The following FAT3 variants were observed in gnomAD, a reference collection of about 807,000 sequenced individuals.
FAT3 encodes FAT atypical cadherin 3.
FAT3 carries 95 observed loss-of-function variants against 310.2 expected under a neutral mutation model. The ratio of observed to expected loss-of-function variants is 0.31; its 90% CI spans 0.26 to 0.36. FAT3 has a LOEUF of 0.36. Among genes scored for constraint, FAT3 ranks in the 10% least tolerant of loss-of-function variants. The pLI is 1.00. For synonymous variants in FAT3, 2,314 were observed against 2,192.9 expected (o/e 1.06, Z -1.54); for missense variants, 5,408 against 5,715.6 (o/e 0.95, Z 1.74).
intron 2 of FAT3, among the ~76,000 whole-genome samples, chr11:92,493,345 G>T (rs1471892128): frequency 6.6e-6 from 1 of 152,078 alleles, no homozygotes; most frequent in Non-Finnish European, 1.5e-5. Flanking sequence ...ACTCTGAGCT[G>T]CAGACACTGG....
intron 3 of FAT3, among the ~76,000 whole-genome samples, chr11:92,569,503 C>T (rs973481875): frequency 6.6e-6 from 1 of 152,048 alleles, no homozygotes; most frequent in Non-Finnish European, 1.5e-5. Context: ...AGAAAAGTAA[C>T]GAAAGTTGAG....
rs535368141 is a variant in FAT3 at position 92,389,620 on chromosome 11, A to G, written c.3292+34216A>G. On this transcript the variant is annotated intron_variant, in intron 2 of 27. Coordinates refer to ENST00000525166, the MANE Select transcript of FAT3 (RefSeq NM_001367949.2). Reference sequence around the variant, plus strand: ...TGCCTGGTACTTAACAATAACTACCATTTATTGTGTTGTATGGATGTGGCT... The same window carrying G: ...TGCCTGGTACTTAACAATAACTACCGTTTATTGTGTTGTATGGATGTGGCT... Among the ~76,000 whole-genome samples, 15 of 152,306 alleles carry G rather than the reference A, an allele frequency of 9.8e-5. No individual in the cohort carries two copies. In the South Asian group the frequency reaches 3.1e-3, roughly 32 times the overall value.
rs1006632593 is a variant in FAT3, at chr11:92,853,427, C to T, written c.11366-3787C>T. ...TGTCACAGCCCTGACTTGGGGATCC[C>T]CTAGGTCTGGGCTTTTCTCTCCTTC... On this transcript the variant is annotated intron_variant, in intron 19 of 27. Coordinates refer to ENST00000525166, the MANE Select transcript of FAT3 (RefSeq NM_001367949.2). Among the ~76,000 whole-genome samples, 12 of 152,306 alleles carry T rather than the reference C, an allele frequency of 7.9e-5. No individual in the cohort carries two copies. In the East Asian group the frequency reaches 1.4e-3, roughly 17 times the overall value.
At chr11:92,889,819 G>A (rs754693107) in intron 26 of FAT3, 37 bp from the exon 27 acceptor site, 9 of 717,562 alleles carry the variant, frequency 1.3e-5, no homozygotes, top group Non-Finnish European at 2.3e-5. Flanking sequence ...ACATGGTTTG[G>A]ACTGTCAGTT....
intron 4 of FAT3, among the ~76,000 whole-genome samples, chr11:92,742,652 C>T (rs149582962): frequency 2.6e-5 from 4 of 152,356 alleles, no homozygotes; most frequent in Non-Finnish European, 4.4e-5. Flanking sequence ...CCTTCTTCCT[C>T]TCTTGCTTTT....
At chr11:92,598,633 T>C (rs1939845881) in intron 3 of FAT3, among the ~76,000 whole-genome samples, 1 of 152,168 alleles carries the variant, frequency 6.6e-6, no homozygotes, top group Non-Finnish European at 1.5e-5. Context: ...ATGTAACTTG[T>C]AAGATATTCA....
In FAT3 at chr11:92,353,762, T is replaced by C. The variant is rs1169881258; in HGVS notation, c.1650T>C (p.Ser550=). 6.2e-7 allele frequency: 1 copy of C among 1,613,768 alleles called. No homozygotes were observed. The highest frequency in any genetic ancestry group is 1.1e-5 in the South Asian group (1 of 91,066). ...PEIYRFIVRA[S]DWGSPYRHES... is the part of the protein sequence containing the mutation. ...TTTACAGATTCATTGTTAGAGCCTC[T>C]GACTGGGGTTCACCATACCGCCATG... is the stretch of plus-strand genomic sequence containing the variant. The change falls in exon 2 of 28, where the codon TCT becomes TCC. Residue 550 remains serine (S), a synonymous_variant. Transcript: ENST00000525166.
intron 2 of FAT3, among the ~76,000 whole-genome samples, chr11:92,433,198 A>T (rs1950837144): frequency 6.6e-6 from 1 of 152,044 alleles, no homozygotes; most frequent in African/African-American, 2.4e-5. Flanking sequence ...ACTGAACAAG[A>T]CCACTTGGCT....
At position 92,355,379 on chromosome 11, in the gene FAT3, A is replaced by C. The variant is rs1190318663; in HGVS notation, c.3267A>C (p.Gly1089=). The C allele has an allele frequency of 2.5e-6, 4 of 1,613,422 alleles. No homozygotes were observed. Among genetic ancestry groups the C allele is most frequent in the Non-Finnish European group, 3.4e-6 (4 of 1,179,670 alleles). ...CCATCAGGGATGGCAGTGGTCTTGG[A>C]AGGTTCAGTATAGACGACGAGAGTG... ...QYSIRDGSGL[G]RFSIDDESGV... Residue 1089 remains glycine (G), a synonymous_variant, in exon 2 of 28, where the codon GGA becomes GGC. Coordinates refer to ENST00000525166, the MANE Select transcript of FAT3 (RefSeq NM_001367949.2).
rs924776162 is a variant in FAT3, at chr11:92,434,701, A to G, written c.3292+79297A>G. Among the ~76,000 whole-genome samples the G allele has an allele frequency of 2.0e-5, 3 of 152,184 alleles. No homozygotes were observed. The South Asian group carries it at 6.2e-4, about 32-fold the overall frequency. ...CTAGGCCCATTTCCTCCTCTGTGGC[A>G]TGGATATGTAATGCCTGCTTCACAG... On this transcript the variant is annotated intron_variant, in intron 2 of 27. Coordinates refer to ENST00000525166, the MANE Select transcript of FAT3 (RefSeq NM_001367949.2).
chr11:92,625,001 T>G (rs1941260392), intron 3 of FAT3, among the ~76,000 whole-genome samples: 1 of 152,202 alleles, frequency 6.6e-6, no homozygotes, highest in African/African-American at 2.4e-5. Flanking sequence ...TAATATTGGA[T>G]TAGAGCCTAC....
intron 2 of FAT3, among the ~76,000 whole-genome samples, chr11:92,489,873 GT>G (rs1284856644): frequency 6.7e-6 from 1 of 149,856 alleles, no homozygotes; most frequent in Non-Finnish European, 1.5e-5. Flanking sequence ...AGTTTTCGTA[GT>G]TTTTTTCTTT....
At chr11:92,746,193 G>A (rs1049402698) in intron 4 of FAT3, among the ~76,000 whole-genome samples, 1 of 152,190 alleles carries the variant, frequency 6.6e-6, no homozygotes, top group African/African-American at 2.4e-5. Flanking sequence ...GCTAATAAAG[G>A]CGTAACTGAA....
At chr11:92,446,759 A>G (rs1489011226) in intron 2 of FAT3, among the ~76,000 whole-genome samples, 5 of 152,200 alleles carry the variant, frequency 3.3e-5, no homozygotes, top group Non-Finnish European at 7.3e-5. Flanking sequence ...ATGGAAAAAC[A>G]GGATCTTCTA....
intron 2 of FAT3, among the ~76,000 whole-genome samples, chr11:92,356,248 G>A (rs1324716492): frequency 6.6e-6 from 1 of 152,228 alleles, no homozygotes; most frequent in East Asian, 1.9e-4. Flanking sequence ...TGTTAGCACT[G>A]TGCATTTTTC....
chr11:92,322,556 C>G (rs1008589922), intron 1 of FAT3, among the ~76,000 whole-genome samples: 3 of 152,244 alleles, frequency 2.0e-5, no homozygotes, highest in African/African-American at 4.8e-5. Flanking sequence ...TAACCTACAG[C>G]AGAACTTTCA....
chr11:92,756,325 C>G (rs1467193456), intron 4 of FAT3, among the ~76,000 whole-genome samples: 1 of 152,096 alleles, frequency 6.6e-6, no homozygotes, highest in Non-Finnish European at 1.5e-5. Context: ...TAACAATATA[C>G]TGTCATAAAA....
intron 2 of FAT3, among the ~76,000 whole-genome samples, chr11:92,428,393 T>C (rs556117720): frequency 5.3e-4 from 80 of 152,286 alleles, no homozygotes; most frequent in African/African-American, 1.9e-3. Flanking sequence ...AGTTCTGCTC[T>C]GATCTTGGTT....
At chr11:92,619,853 C>T (rs941439382) in intron 3 of FAT3, among the ~76,000 whole-genome samples, 7 of 151,888 alleles carry the variant, frequency 4.6e-5, no homozygotes, top group African/African-American at 1.7e-4. Flanking sequence ...TTGATTTCCA[C>T]CACCACCTTT....
Sources: gnomAD v4.1 joint callset for allele counts (sites outside exome capture counted in the v4.1 genomes callset) on GRCh38, gnomAD v4.1.1 for gene constraint, MANE v1.5 for transcripts, NCBI Gene and HGNC (gene_info 2026-07-23, HGNC 2026-07-21) for gene names.